The following CSMD1 variants were observed in gnomAD, a reference collection of about 807,000 sequenced individuals.
CSMD1 encodes the protein CUB and sushi domain-containing protein 1.
CSMD1 carries 213 observed loss-of-function variants against 417.5 expected under a neutral mutation model. That is an observed-to-expected ratio of 0.51 (90% CI 0.46 to 0.57). CSMD1 has a LOEUF of 0.57. Among genes scored for constraint, CSMD1 ranks in the 20% least tolerant of loss-of-function variants. The probability of loss-of-function intolerance (pLI) is 0.00; values close to 1 mark genes in which losing one functional copy is unlikely to be tolerated. For missense variants in CSMD1, 6,923 were observed against 4,529.7 expected (o/e 1.53, Z -15.17); for synonymous variants, 2,862 against 1,736.8 (o/e 1.65, Z -16.11).
At chr8:4,686,661 T>G (rs1333538038) in intron 1 of CSMD1, among the ~76,000 whole-genome samples, 1 of 152,250 alleles carries the variant, frequency 6.6e-6, no homozygotes, top group Non-Finnish European at 1.5e-5. Flanking sequence ...GTTGACCTGT[T>G]GCTCTGGGTT....
At chr8:4,198,305 G>T (rs1799454330) in intron 3 of CSMD1, among the ~76,000 whole-genome samples, 1 of 152,230 alleles carries the variant, frequency 6.6e-6, no homozygotes, top group African/African-American at 2.4e-5. Context: ...TGGCAGCAGG[G>T]GCTGGCAAGC....
At chr8:4,862,792 A>G (rs571289397) in intron 1 of CSMD1, among the ~76,000 whole-genome samples, 1 of 152,194 alleles carries the variant, frequency 6.6e-6, no homozygotes, top group South Asian at 2.1e-4. Context: ...AAATCCGGTG[A>G]CAGCCTAAAG....
intron 26 of CSMD1, chr8:3,278,262 G>A (rs1474579994): frequency 6.6e-6 from 1 of 152,188 alleles, no homozygotes. Context: ...GAGAGGTAGT[G>A]CAACCCTGAT....
intron 10 of CSMD1, among the ~76,000 whole-genome samples, chr8:3,539,849 G>A (rs1039208426): frequency 6.6e-6 from 1 of 151,938 alleles, no homozygotes; most frequent in Admixed American, 6.6e-5. Flanking sequence ...GGAAAATCTG[G>A]TGGATAATTT....
chr8:4,144,198 C>A (rs1803971283), intron 3 of CSMD1, among the ~76,000 whole-genome samples: 1 of 150,962 alleles, frequency 6.6e-6, no homozygotes, highest in South Asian at 2.1e-4. Flanking sequence ...GACCTCCTGC[C>A]CCTAGATCTT....
intron 11 of CSMD1, among the ~76,000 whole-genome samples, chr8:3,491,020 G>T (rs4078975): frequency 1.3e-5 from 2 of 152,090 alleles, no homozygotes; most frequent in Non-Finnish European, 2.9e-5. Flanking sequence ...AAATGAAGAT[G>T]CCTCTTCATC....
rs533162238 is a variant in CSMD1 at position 3,955,361 on chromosome 8, C to T, written c.818+42542G>A. 2.6e-5 allele frequency among the ~76,000 whole-genome samples: 4 copies of T among 152,306 alleles called. No homozygotes were observed. In the South Asian group the frequency reaches 8.3e-4, roughly 32 times the overall value. ...GCCACAGAAACAAAAACCATACATC[C>T]CTCATCTTACTGGTTCAGAGATTTT... On this transcript the variant is annotated intron_variant, in intron 5 of 69. Transcript: ENST00000635120.
chr8:4,271,945 A>T (rs1330161126), intron 3 of CSMD1, among the ~76,000 whole-genome samples: 1 of 152,094 alleles, frequency 6.6e-6, no homozygotes, highest in Non-Finnish European at 1.5e-5. Flanking sequence ...TGCCCTACAG[A>T]TCTCATGTAT....
chr8:4,025,099 A>C (rs370785122), intron 4 of CSMD1, among the ~76,000 whole-genome samples: 13 of 152,198 alleles, frequency 8.5e-5, no homozygotes, highest in East Asian at 5.8e-4. Flanking sequence ...CAATGGAATA[A>C]AAGGGGACAC....
chr8:4,188,859 G>C (rs960779647), intron 3 of CSMD1, among the ~76,000 whole-genome samples: 2 of 151,934 alleles, frequency 1.3e-5, no homozygotes. Context: ...AAATGTTTCT[G>C]CATTTGTTAT....
At chr8:4,148,343 A>T (rs1204403156) in intron 3 of CSMD1, among the ~76,000 whole-genome samples, 1 of 124,454 alleles carries the variant, frequency 8.0e-6, no homozygotes. Flanking sequence ...AGAGGAAGGG[A>T]AACATCACAC....
At chr8:4,805,139 G>A (rs1034906905) in intron 1 of CSMD1, among the ~76,000 whole-genome samples, 1 of 152,186 alleles carries the variant, frequency 6.6e-6, no homozygotes, top group African/African-American at 2.4e-5. Context: ...TGATTCTGCA[G>A]GGACGATGTT....
chr8:4,191,934 C>A (rs1271029211), intron 3 of CSMD1, among the ~76,000 whole-genome samples: 1 of 152,146 alleles, frequency 6.6e-6, no homozygotes, highest in Non-Finnish European at 1.5e-5. Flanking sequence ...AATTCAGCTC[C>A]CTTAAACCAA....
rs59255397 is a variant in CSMD1, at chr8:4,354,865, A to AGTGTGTGTGTGTGT, written c.415+65074_415+65087dup. Among the ~76,000 whole-genome samples the AGTGTGTGTGTGTGT allele has an allele frequency of 1.0e-2, 1,294 of 129,462 alleles. 15 individuals are homozygous for AGTGTGTGTGTGTGT. Among genetic ancestry groups the AGTGTGTGTGTGTGT allele is most frequent in the Admixed American group, 0.016 (195 of 12,038 alleles). 84.9% of individuals were successfully genotyped at this position (129,462 alleles called of 152,430 possible). A position where few individuals can be genotyped will look rare whatever the true frequency, so the allele number is the denominator to read the frequency against. ...GAGGGCAGGTAAATGAGGAAAATGT[A>AGTGTGTGTGTGTGT]GTGTGTGTGTGTGTGTGTGTGTGTG... On this transcript the variant is annotated intron_variant, in intron 3 of 69. Transcript: ENST00000635120.
chr8:3,792,040 G>A (rs952518309), intron 5 of CSMD1, among the ~76,000 whole-genome samples: 2 of 151,868 alleles, frequency 1.3e-5, no homozygotes, highest in African/African-American at 4.8e-5. Context: ...AATTAACTTG[G>A]GCAACCTCAA....
intron 5 of CSMD1, among the ~76,000 whole-genome samples, chr8:3,885,898 G>C (rs555930785): frequency 6.6e-6 from 1 of 152,074 alleles, no homozygotes; most frequent in South Asian, 2.1e-4. Flanking sequence ...TAGGAGTAAA[G>C]TTTGTTGTTA....
Position 2,962,588 on chromosome 8 carries a change from T to C in CSMD1, c.9506A>G (p.Lys3169Arg), listed in dbSNP as rs1803584776. ...GACTTCGGACTTATAGGTGAAACTT[T>C]TCCCACTAAGTCGCCCTTCTGCGGG... ...GIPAEGRLSG[K>R]SFTYKSEVFF... The change falls in exon 61 of 70, where the codon AAA becomes AGA. Residue 3169 changes from lysine (K) to arginine (R), a missense_variant. Physicochemically the swap from Lys to Arg is conservative, Grantham distance 26. Coordinates refer to ENST00000635120, the MANE Select transcript of CSMD1 (RefSeq NM_033225.6). 4 of 1,613,784 alleles carry C rather than the reference T, an allele frequency of 2.5e-6. No homozygotes were observed. The highest frequency in any genetic ancestry group is 2.2e-5 in the South Asian group (2 of 91,076).
At chr8:4,030,730 G>A (rs1048844808) in intron 4 of CSMD1, among the ~76,000 whole-genome samples, 74 of 152,198 alleles carry the variant, frequency 4.9e-4, no homozygotes, top group Middle Eastern at 3.4e-3. Flanking sequence ...TTGGAAAATG[G>A]GATTTTCTTT....
intron 2 of CSMD1, among the ~76,000 whole-genome samples, chr8:4,434,240 G>A (rs1368156198): frequency 6.6e-6 from 1 of 152,134 alleles, no homozygotes; most frequent in Admixed American, 6.6e-5. Context: ...TCCATAGGGT[G>A]TGGCTGTAAA....
Sources: gnomAD v4.1 joint callset for allele counts (sites outside exome capture counted in the v4.1 genomes callset) on GRCh38, gnomAD v4.1.1 for gene constraint, MANE v1.5 for transcripts, NCBI Gene and HGNC (gene_info 2026-07-23, HGNC 2026-07-21) for gene names.